The following CHST8 variants were observed in gnomAD, a reference collection of about 807,000 sequenced individuals.
CHST8 encodes GALNAC-4-ST1.
Under a neutral mutation model 15.0 loss-of-function variants are expected in CHST8, and 10 were observed. The observed-to-expected ratio is 0.67, with a 90% CI of 0.41 to 1.13. The LOEUF is 1.13. Ranked by LOEUF, CHST8 falls within the 50% of genes most tolerant of loss-of-function variation. The probability of loss-of-function intolerance (pLI) is 0.00; values close to 1 mark genes in which losing one functional copy is unlikely to be tolerated. For missense variants in CHST8, 634 were observed against 608.2 expected (o/e 1.04, Z -0.45); for synonymous variants, 259 against 256.6 (o/e 1.01, Z -0.09).
chr19:33,765,473 C>T (rs187578772), intron 3 of CHST8, among the ~76,000 whole-genome samples: 27 of 151,062 alleles, frequency 1.8e-4, no homozygotes, highest in African/African-American at 5.9e-4. Flanking sequence ...GTCACCTTGC[C>T]TAGGCCATGG....
At chr19:33,771,075 C>T (rs1008742533) in intron 3 of CHST8, among the ~76,000 whole-genome samples, 1 of 152,072 alleles carries the variant, frequency 6.6e-6, no homozygotes, top group Non-Finnish European at 1.5e-5. Flanking sequence ...GAGGAGGTGG[C>T]CTGTGAGAGT....
At chr19:33,690,220 T>C (rs1973073939) in intron 3 of CHST8, among the ~76,000 whole-genome samples, 1 of 152,084 alleles carries the variant, frequency 6.6e-6, no homozygotes, top group African/African-American at 2.4e-5. Context: ...CTCTAGGGCA[T>C]GGACAAGCTG....
chr19:33,662,145 A>G (rs1183898503), intron 1 of CHST8, among the ~76,000 whole-genome samples: 1 of 151,954 alleles, frequency 6.6e-6, no homozygotes, highest in Non-Finnish European at 1.5e-5. Context: ...CAGTGGCATG[A>G]CCTCGGCTCA....
Position 33,772,501 on chromosome 19 carries a change from C to A in CHST8, c.713C>A (p.Thr238Asn). ...GGCAGCGCTCTCAAGCGCCTGGACA[C>A]CTTCGACCGCCAGGGTATCTTGCAC... is the stretch of plus-strand genomic sequence containing the variant. ...HYGSALKRLD[T>N]FDRQGILHRL... is the part of the protein sequence containing the mutation. The change falls in exon 5 of 5, where the codon ACC (threonine) becomes AAC (asparagine). Residue 238 changes from threonine to asparagine, a missense_variant. Transcript: ENST00000650847. The A allele has an allele frequency of 6.2e-7, 1 of 1,613,860 alleles. No individual in the cohort carries two copies. The highest frequency in any genetic ancestry group is 1.1e-5 in the South Asian group (1 of 91,084).
intron 3 of CHST8, among the ~76,000 whole-genome samples, chr19:33,741,216 G>A (rs151265275): frequency 0.021 from 3,207 of 152,216 alleles, 56 homozygotes; most frequent in Non-Finnish European, 0.027. Context: ...TGCCTGTAAC[G>A]TCAGTCCTGC....
At chr19:33,718,478 A>G (rs1414923021) in intron 3 of CHST8, among the ~76,000 whole-genome samples, 1 of 152,154 alleles carries the variant, frequency 6.6e-6, no homozygotes, top group African/African-American at 2.4e-5. Context: ...GGGGCAAGGC[A>G]GTCTTCCCCG....
intron 3 of CHST8, among the ~76,000 whole-genome samples, chr19:33,693,868 C>G (rs765905367): frequency 1.9e-4 from 29 of 151,422 alleles, no homozygotes; most frequent in Non-Finnish European, 3.4e-4. Context: ...CGCCAGAGAT[C>G]GTGCCTAGAT....
At chr19:33,676,821 G>A (rs997193138) in intron 2 of CHST8, among the ~76,000 whole-genome samples, 3 of 151,274 alleles carry the variant, frequency 2.0e-5, no homozygotes, top group African/African-American at 2.4e-5. Context: ...AGGCTGCAGC[G>A]AGCCATGATC....
intron 1 of CHST8, among the ~76,000 whole-genome samples, chr19:33,627,098 T>TGC (rs1555709069): frequency 2.9e-5 from 2 of 68,762 alleles, no homozygotes; most frequent in African/African-American, 9.8e-5. Flanking sequence ...CCTCTTTTTT[T>TGC]GGGGGGGGGG....
chr19:33,762,798 G>A (rs531389857), intron 3 of CHST8, among the ~76,000 whole-genome samples: 9 of 152,040 alleles, frequency 5.9e-5, no homozygotes, highest in South Asian at 4.2e-4. Context: ...AATGAAACAC[G>A]TTCAGCAAGG....
intron 3 of CHST8, among the ~76,000 whole-genome samples, chr19:33,762,493 C>T (rs1391417156): frequency 1.3e-5 from 2 of 152,236 alleles, no homozygotes; most frequent in Non-Finnish European, 2.9e-5. Context: ...AATCACTAAA[C>T]GAAACAAGTG....
Position 33,772,483 on chromosome 19 carries a change from C to T in CHST8, c.695C>T (p.Ala232Val). Residue 232 changes from alanine (A) to valine (V), a missense_variant, in exon 5 of 5, where the codon GCT becomes GTT. By Grantham distance (64) the Ala-to-Val change is moderately conservative. Transcript: ENST00000650847. ...CACAACACCGTCCACTATGGCAGCG[C>T]TCTCAAGCGCCTGGACACCTTCGAC... ...IQHNTVHYGS[A>V]LKRLDTFDRQ... 6.2e-7 allele frequency: 1 copy of T among 1,613,586 alleles called. No individual in the cohort carries two copies. Among genetic ancestry groups the T allele is most frequent in the South Asian group, 1.1e-5 (1 of 91,072 alleles).
chr19:33,689,064 G>T (rs1326329085), intron 2 of CHST8, 112 bp from the exon 3 acceptor site: 3 of 495,778 alleles, frequency 6.1e-6, no homozygotes, highest in Admixed American at 4.3e-5. Context: ...TGGGTAACTT[G>T]TAGAGGGCAG....
At chr19:33,727,924 G>T (rs376030000) in intron 3 of CHST8, among the ~76,000 whole-genome samples, 6 of 152,188 alleles carry the variant, frequency 3.9e-5, no homozygotes, top group African/African-American at 1.4e-4. Context: ...TCTGTGGGTG[G>T]GTGCTCTCCT....
chr19:33,751,791 A>G (rs1039486812), intron 3 of CHST8, among the ~76,000 whole-genome samples: 5 of 152,232 alleles, frequency 3.3e-5, no homozygotes, highest in African/African-American at 9.6e-5. Flanking sequence ...AAACAGGGAT[A>G]GTAAAACCTA....
chr19:33,772,190 C>A lies in CHST8; in HGVS notation c.402C>A (p.Phe134Leu). Residue 134 changes from phenylalanine (F) to leucine (L), a missense_variant, in exon 5 of 5, where the codon TTC becomes TTA. Transcript: ENST00000650847. Reference protein sequence around the residue: ...TIPANSSDAPFIRPGPGTLDG... With the variant: ...TIPANSSDAPLIRPGPGTLDG... Reference sequence around the variant, plus strand: ...CGGCCAACAGCTCGGACGCGCCCTTCATCCGGCCGGGACCCGGGACGCTGG... The same window carrying A: ...CGGCCAACAGCTCGGACGCGCCCTTAATCCGGCCGGGACCCGGGACGCTGG... The A allele has an allele frequency of 6.3e-7, 1 of 1,596,056 alleles. No individual in the cohort carries two copies. Among genetic ancestry groups the A allele is most frequent in the South Asian group, 1.1e-5 (1 of 89,824 alleles).
chr19:33,684,323 TCCCCGGGAGTAGCGTG>T, intron 2 of CHST8, among the ~76,000 whole-genome samples: 1 of 152,156 alleles, frequency 6.6e-6, no homozygotes, highest in Non-Finnish European at 1.5e-5. Flanking sequence ...TAAATTGCCT[TCCCCGGGAGTAGCGTG>T]CCGCCCGGCA....
At position 33,772,362 on chromosome 19, in the gene CHST8, G is replaced by C. The variant is rs1975010117; in HGVS notation, c.574G>C (p.Val192Leu). ...TATCTTCGTGGAGGACCGCCACCGC[G>C]TGCTCTACTGCGAGGTGCCCAAGGC... ...SRIFVEDRHR[V>L]LYCEVPKAGC... The change falls in exon 5 of 5, where the codon GTG becomes CTG. Residue 192 changes from valine to leucine, a missense_variant. Val to Leu is a conservative substitution (Grantham distance 32, BLOSUM62 1). Coordinates refer to ENST00000650847, the MANE Select transcript of CHST8 (RefSeq NM_001127895.2). 8 of 1,607,772 alleles carry C rather than the reference G, an allele frequency of 5.0e-6. No homozygotes were observed. The highest frequency in any genetic ancestry group is 5.9e-6 in the Non-Finnish European group (7 of 1,179,190).
intron 3 of CHST8, among the ~76,000 whole-genome samples, chr19:33,767,312 C>T (rs553039110): frequency 1.3e-5 from 2 of 152,350 alleles, no homozygotes; most frequent in East Asian, 3.9e-4. Flanking sequence ...GTGTGGCACC[C>T]TGCAGGTCTT....
Sources: gnomAD v4.1 joint callset for allele counts (sites outside exome capture counted in the v4.1 genomes callset) on GRCh38, gnomAD v4.1.1 for gene constraint, MANE v1.5 for transcripts, NCBI Gene and HGNC (gene_info 2026-07-23, HGNC 2026-07-21) for gene names.